Variants in KHDRBS2 observed in about 807,000 individuals in gnomAD.
KHDRBS2 encodes the protein KH RNA binding domain containing, signal transduction associated 2, also known as KH domain-containing, RNA-binding, signal transduction-associated protein 2.
A neutral mutation model predicts 44.3 loss-of-function variants in KHDRBS2; 26 were observed. The observed-to-expected ratio is 0.59, with a 90% CI of 0.43 to 0.81. KHDRBS2 has a LOEUF of 0.81. Ranked by LOEUF, KHDRBS2 falls within the 40% of genes least tolerant of loss-of-function variation. The pLI is 0.00. For synonymous variants in KHDRBS2, 194 were observed against 151.1 expected, an observed-to-expected ratio of 1.28 and a Z score of -2.08; for missense variants, 476 against 433.1, an observed-to-expected ratio of 1.10 and a Z score of -0.88.
chr6:62,116,908 T>C (rs756493202), intron 2 of KHDRBS2, among the ~76,000 whole-genome samples: 1 of 152,144 alleles, frequency 6.6e-6, no homozygotes, highest in Admixed American at 6.5e-5. Context: ...TATAATGACC[T>C]CCAGTGATGG....
intron 4 of KHDRBS2, among the ~76,000 whole-genome samples, chr6:61,924,181 C>T (rs2127361282): frequency 6.6e-6 from 1 of 152,132 alleles, no homozygotes; most frequent in East Asian, 1.9e-4. Context: ...GAGACGTACA[C>T]TATGTTCATG....
chr6:61,827,176 G>A (rs1791016424), intron 6 of KHDRBS2, among the ~76,000 whole-genome samples: 1 of 152,096 alleles, frequency 6.6e-6, no homozygotes, highest in African/African-American at 2.4e-5. Context: ...ACATCATTAG[G>A]TCATTCTTTG....
intron 7 of KHDRBS2, among the ~76,000 whole-genome samples, chr6:61,726,432 G>T (rs1773574880): frequency 6.6e-6 from 1 of 152,118 alleles, no homozygotes; most frequent in Admixed American, 6.6e-5. Context: ...GGGCAATCAG[G>T]CAAGAGAAAG....
chr6:61,587,075 G>C, the KHDRBS2 span, among the ~76,000 whole-genome samples: 3 of 152,022 alleles, frequency 2.0e-5, no homozygotes, highest in Non-Finnish European at 4.4e-5. Flanking sequence ...TCATGAGTTG[G>C]GAAAACTGAG....
intron 2 of KHDRBS2, among the ~76,000 whole-genome samples, chr6:62,165,901 C>T (rs1435413122): frequency 6.6e-6 from 1 of 151,868 alleles, no homozygotes; most frequent in Non-Finnish European, 1.5e-5. Context: ...TGCAACTATC[C>T]ACTTCTAGAA....
intron 6 of KHDRBS2, among the ~76,000 whole-genome samples, chr6:61,836,446 C>A (rs1792686399): frequency 6.6e-6 from 1 of 151,988 alleles, no homozygotes; most frequent in African/African-American, 2.4e-5. Context: ...GGCAGGCTGC[C>A]TGTTTTTAAC....
intron 8 of KHDRBS2, among the ~76,000 whole-genome samples, chr6:61,695,017 T>C (rs577116881): frequency 6.6e-6 from 1 of 152,260 alleles, no homozygotes; most frequent in South Asian, 2.1e-4. Flanking sequence ...TTTACTTTTT[T>C]TCCTGAAAAA....
Position 62,010,137 on chromosome 6 carries a change from A to G in KHDRBS2, c.337-31925T>C, listed in dbSNP as rs541912618. Among the ~76,000 whole-genome samples, 11 of 152,282 alleles carry G rather than the reference A, an allele frequency of 7.2e-5. No homozygotes were observed. In the South Asian group the frequency reaches 2.3e-3, roughly 32 times the overall value. On this transcript the variant is annotated intron_variant, in intron 3 of 8. Transcript: ENST00000281156. Reference sequence around the variant, plus strand: ...CTGCAAAGCCACAAGGACGGAGCTGACCAAGACTACAGGAACCTATCTCTT... The same window carrying G: ...CTGCAAAGCCACAAGGACGGAGCTGGCCAAGACTACAGGAACCTATCTCTT...
chr6:61,755,848 A>G (rs751928702), intron 6 of KHDRBS2, among the ~76,000 whole-genome samples: 8 of 152,064 alleles, frequency 5.3e-5, no homozygotes, highest in Non-Finnish European at 8.8e-5. Context: ...ATATACTATA[A>G]TAATTAATTG....
chr6:62,209,139 C>T lies in KHDRBS2; in HGVS notation c.92-31827G>A, dbSNP rs546103240. On this transcript the variant is annotated intron_variant, in intron 1 of 8. Coordinates refer to ENST00000281156, the MANE Select transcript of KHDRBS2 (RefSeq NM_152688.4). ...TAATATTCAAAATTTATAAAGAGCT[C>T]CAACAACTCAGTCACAGAAAGCCAA... Among the ~76,000 whole-genome samples, 5 of 152,212 alleles carry T rather than the reference C, an allele frequency of 3.3e-5. No individual in the cohort carries two copies. In the South Asian group the frequency reaches 1.0e-3, roughly 32 times the overall value.
chr6:61,735,269 T>A (rs1388653441), intron 6 of KHDRBS2, among the ~76,000 whole-genome samples: 1 of 139,746 alleles, frequency 7.2e-6, no homozygotes, highest in Non-Finnish European at 1.6e-5. Flanking sequence ...ATATATATAT[T>A]TTTTAAGAAA....
At chr6:61,549,903 G>C in the KHDRBS2 span, among the ~76,000 whole-genome samples, 1 of 152,018 alleles carries the variant, frequency 6.6e-6, no homozygotes, top group Non-Finnish European at 1.5e-5. Flanking sequence ...TGGTCATTTG[G>C]AAAAATTGTT....
chr6:61,716,609 C>T (rs545096599), intron 7 of KHDRBS2, among the ~76,000 whole-genome samples: 64 of 151,986 alleles, frequency 4.2e-4, no homozygotes, highest in African/African-American at 1.2e-3. Flanking sequence ...GTTGAAAAAA[C>T]GATAGTCGCT....
the KHDRBS2 span, among the ~76,000 whole-genome samples, chr6:61,634,192 A>G: frequency 1.3e-3 from 201 of 151,916 alleles, 8 homozygotes; most frequent in Non-Finnish European, 7.5e-4. Flanking sequence ...TTTGTCAACA[A>G]TCACTCCCAG....
intron 6 of KHDRBS2, among the ~76,000 whole-genome samples, chr6:61,879,738 G>T (rs1444700089): frequency 2.0e-5 from 3 of 151,694 alleles, no homozygotes; most frequent in Non-Finnish European, 4.4e-5. Context: ...TAGGACTTTT[G>T]TCTCTTGTTC....
chr6:62,042,507 T>C (rs571582036), intron 3 of KHDRBS2, among the ~76,000 whole-genome samples: 55 of 152,110 alleles, frequency 3.6e-4, no homozygotes, highest in African/African-American at 1.3e-3. Flanking sequence ...TATTAAAGAG[T>C]TGAAACAGGA....
At chr6:62,127,739 G>A (rs1170886579) in intron 2 of KHDRBS2, among the ~76,000 whole-genome samples, 2 of 152,032 alleles carry the variant, frequency 1.3e-5, no homozygotes, top group Non-Finnish European at 2.9e-5. Flanking sequence ...ATTTTTACTT[G>A]TAAGAAGGCT....
intron 2 of KHDRBS2, among the ~76,000 whole-genome samples, chr6:62,066,153 A>G (rs1451928388): frequency 6.6e-6 from 1 of 151,756 alleles, no homozygotes; most frequent in African/African-American, 2.4e-5. Flanking sequence ...AGTGAAAACT[A>G]TTATATTAAC....
chr6:61,793,814 A>G (rs2127586526), intron 6 of KHDRBS2, among the ~76,000 whole-genome samples: 1 of 152,244 alleles, frequency 6.6e-6, no homozygotes, highest in South Asian at 2.1e-4. Flanking sequence ...CCTAGTGCAC[A>G]CACACTGATT....
Sources: gnomAD v4.1 joint callset for allele counts (sites outside exome capture counted in the v4.1 genomes callset) on GRCh38, gnomAD v4.1.1 for gene constraint, MANE v1.5 for transcripts, NCBI Gene and HGNC (gene_info 2026-07-23, HGNC 2026-07-21) for gene names.